The following SNAP91 variants were observed in gnomAD, a reference collection of about 807,000 sequenced individuals.
SNAP91 encodes the protein synaptosome associated protein 91, also known as clathrin coat assembly protein AP180.
SNAP91 carries 27 observed loss-of-function variants against 100.3 expected under a neutral mutation model. The observed-to-expected ratio is 0.27, with a 90% CI of 0.20 to 0.37. The LOEUF (loss-of-function observed/expected upper bound fraction) is 0.37. Among genes scored for constraint, SNAP91 ranks in the 10% least tolerant of loss-of-function variants. The pLI is 1.00. For synonymous variants in SNAP91, 404 were observed against 398.6 expected (o/e 1.01, Z -0.16); for missense variants, 986 against 1,123.7 (o/e 0.88, Z 1.75).
chr6:83,690,315 T>C (rs1249951301), intron 2 of SNAP91: 2 of 1,255,594 alleles, frequency 1.6e-6, no homozygotes, highest in Non-Finnish European at 2.1e-6. Context: ...ATTTCTCCTT[T>C]AGCACAACTT....
chr6:83,581,058 T>C (rs1240306276), intron 23 of SNAP91, among the ~76,000 whole-genome samples: 4 of 152,240 alleles, frequency 2.6e-5, no homozygotes, highest in African/African-American at 9.6e-5. Flanking sequence ...TTGTTGCTCT[T>C]ATTCAAGAAA....
At chr6:83,578,029 C>T (rs1437268489) in intron 24 of SNAP91, among the ~76,000 whole-genome samples, 1 of 152,080 alleles carries the variant, frequency 6.6e-6, no homozygotes, top group East Asian at 1.9e-4. Flanking sequence ...ACAGTAAATC[C>T]AGTTGTAGCA....
At chr6:83,566,287 T>A (rs1396058043) in intron 26 of SNAP91, among the ~76,000 whole-genome samples, 2 of 152,232 alleles carry the variant, frequency 1.3e-5, no homozygotes, top group Non-Finnish European at 2.9e-5. Flanking sequence ...TTCACAATGC[T>A]GTAAATATAC....
intron 7 of SNAP91, among the ~76,000 whole-genome samples, chr6:83,642,664 T>C (rs985911843): frequency 2.0e-5 from 3 of 152,188 alleles, no homozygotes; most frequent in African/African-American, 7.2e-5. Flanking sequence ...GTGCATGTGC[T>C]TTTATAGCAG....
chr6:83,593,766 C>T lies in SNAP91; in HGVS notation c.1433-25G>A, dbSNP rs368237204. 471 of 1,537,172 alleles carry T rather than the reference C, an allele frequency of 3.1e-4. 1 individual carries two copies. Among genetic ancestry groups the T allele is most frequent in the Middle Eastern group, 1.6e-3 (9 of 5,676 alleles). On this transcript the variant is annotated intron_variant, in intron 17 of 29. Transcript: ENST00000369694. ...TCTTTTGGAAAGGAAAGTGGAGACA[C>T]ACACAGCATCAGTAAGGAAAGAGAC...
intron 7 of SNAP91, among the ~76,000 whole-genome samples, chr6:83,641,442 C>T (rs59932148): frequency 0.029 from 4,345 of 152,180 alleles, 76 homozygotes; most frequent in East Asian, 0.059. Context: ...GAAAACAGAA[C>T]TAAAGTAGAA....
intron 8 of SNAP91, among the ~76,000 whole-genome samples, chr6:83,628,524 T>A (rs1313144665): frequency 8.0e-6 from 1 of 125,590 alleles, no homozygotes; most frequent in Non-Finnish European, 1.7e-5. Context: ...ACATCTACTG[T>A]TTTTTTTTTT....
chr6:83,641,978 C>G (rs1250245559), intron 7 of SNAP91, among the ~76,000 whole-genome samples: 1 of 152,134 alleles, frequency 6.6e-6, no homozygotes, highest in Non-Finnish European at 1.5e-5. Flanking sequence ...AAAACCAGTA[C>G]TTCATCAGTG....
Position 83,641,297 on chromosome 6 carries a change from T to C in SNAP91, c.659-95A>G, listed in dbSNP as rs2097690956. ...AGATTACTACTCAAAACTTAATTAA[T>C]GTTTGAATCAAAACACTTGGCAGTA... On this transcript the variant is annotated intron_variant, in intron 7 of 29. Transcript: ENST00000369694. 3 of 560,008 alleles carry C rather than the reference T, an allele frequency of 5.4e-6. No individual in the cohort carries two copies. The Admixed American group carries it at 1.2e-4, about 23-fold the overall frequency. 34.7% of individuals were successfully genotyped at this position (560,008 alleles called of 1,614,324 possible).
At chr6:83,650,403 G>A (rs2098146952) in intron 7 of SNAP91, among the ~76,000 whole-genome samples, 1 of 152,072 alleles carries the variant, frequency 6.6e-6, no homozygotes, top group African/African-American at 2.4e-5. Flanking sequence ...TAATAGCCTG[G>A]CTTGGTAATC....
intron 22 of SNAP91, among the ~76,000 whole-genome samples, chr6:83,585,727 G>A (rs1384960486): frequency 6.6e-6 from 1 of 152,048 alleles, no homozygotes; most frequent in Non-Finnish European, 1.5e-5. Context: ...ATTCTAAAGG[G>A]GAGTAGCCCA....
chr6:83,636,831 G>A (rs971147077), intron 8 of SNAP91, among the ~76,000 whole-genome samples: 1 of 152,152 alleles, frequency 6.6e-6, no homozygotes, highest in Non-Finnish European at 1.5e-5. Context: ...TTTGGATAGG[G>A]CTTTTTGTTT....
At chr6:83,676,081 A>G (rs2098885243) in intron 2 of SNAP91, among the ~76,000 whole-genome samples, 1 of 150,838 alleles carries the variant, frequency 6.6e-6, no homozygotes, top group South Asian at 2.1e-4. Flanking sequence ...ACTGCACTCC[A>G]ACTTGGGCAA....
intron 8 of SNAP91, among the ~76,000 whole-genome samples, chr6:83,628,162 C>T (rs2097035886): frequency 6.7e-6 from 1 of 149,678 alleles, no homozygotes; most frequent in African/African-American, 2.5e-5. Context: ...CAATCTAATC[C>T]AGGTCACTGC....
At chr6:83,705,892 C>T (rs150212880) in intron 2 of SNAP91, among the ~76,000 whole-genome samples, 1,626 of 152,130 alleles carry the variant, frequency 0.011, 27 homozygotes, top group African/African-American at 0.037. Context: ...AAGTTCAGTT[C>T]GTGCTATATA....
At chr6:83,639,028 C>T (rs3798866) in intron 8 of SNAP91, among the ~76,000 whole-genome samples, 28,346 of 152,130 alleles carry the variant, frequency 0.19, 3,360 homozygotes, top group South Asian at 0.3. Context: ...GTACTTCAAG[C>T]AATTTAAGAA....
chr6:83,644,373 A>C (rs2097836002), intron 7 of SNAP91, among the ~76,000 whole-genome samples: 1 of 152,162 alleles, frequency 6.6e-6, no homozygotes, highest in Admixed American at 6.6e-5. Context: ...GTTCTATTTC[A>C]CTGACACAGG....
intron 16 of SNAP91, among the ~76,000 whole-genome samples, chr6:83,599,298 T>C (rs2094886205): frequency 6.6e-6 from 1 of 152,184 alleles, no homozygotes; most frequent in Admixed American, 6.5e-5. Context: ...TTTGAGGTAA[T>C]CAACTCCTTA....
chr6:83,657,088 T>C (rs1051696513), intron 6 of SNAP91, among the ~76,000 whole-genome samples: 1 of 152,198 alleles, frequency 6.6e-6, no homozygotes, highest in Non-Finnish European at 1.5e-5. Flanking sequence ...GACAGATATA[T>C]GCATTATATA....
Sources: allele counts gnomAD v4.1 joint callset (sites outside exome capture counted in the v4.1 genomes callset), GRCh38; gene constraint gnomAD v4.1.1; transcripts MANE v1.5; gene names NCBI Gene and HGNC (gene_info 2026-07-23, HGNC 2026-07-21).